STS: variants seen among roughly 807,000 people sequenced by gnomAD.
STS encodes the protein steryl-sulfatase.
A neutral mutation model predicts 26.8 loss-of-function variants in STS; 7 were observed. The ratio of observed to expected loss-of-function variants is 0.26; its 90% confidence interval spans 0.15 to 0.49. STS has a LOEUF of 0.49. Among genes scored for constraint, STS ranks in the 20% least tolerant of loss-of-function variants. The pLI is 0.98. For synonymous variants in STS, 199 were observed against 189.4 expected, an observed-to-expected ratio of 1.05 and a Z score of -0.42; for missense variants, 434 against 465.6, an observed-to-expected ratio of 0.93 and a Z score of 0.63.
intron 7 of STS, among the ~76,000 whole-genome samples, chrX:7,279,325 GTGTGTGTGTGTGTA>G (rs1569210757): frequency 9.4e-5 from 4 of 42,508 alleles, no homozygotes; most frequent in East Asian, 8.6e-4. Context: ...GTGTGTGTGT[GTGTGTGTGTGTGTA>G]TGTGTGTGTG....
intron 2 of STS, among the ~76,000 whole-genome samples, chrX:7,251,965 T>A (rs1923161038): frequency 9.1e-6 from 1 of 110,420 alleles, no homozygotes; most frequent in Non-Finnish European, 1.9e-5. Context: ...CTGTCTCAAA[T>A]TTTTTTAAAT....
At chrX:7,312,025 TCAAA>T (rs1178006300) in intron 8 of STS, among the ~76,000 whole-genome samples, 2 of 110,622 alleles carry the variant, frequency 1.8e-5, no homozygotes, top group African/African-American at 3.3e-5. Flanking sequence ...AGACCCTGTC[TCAAA>T]CAAACAAACA....
At chrX:7,318,133 T>C (rs971968379) in intron 8 of STS, among the ~76,000 whole-genome samples, 6 of 111,795 alleles carry the variant, frequency 5.4e-5, no homozygotes, top group African/African-American at 1.6e-4. Flanking sequence ...CGAGTTTGAA[T>C]GGTTTGGGGA....
Position 7,305,334 on chromosome X carries a change from A to G in STS, c.1081+151A>G, listed in dbSNP as rs189397813. 3.1e-5 allele frequency: 22 copies of G among 703,014 alleles called. No homozygotes were observed. In the African/African-American group the frequency reaches 3.2e-4, roughly 10 times the overall value. 57.9% of individuals were successfully genotyped at this position (703,014 alleles called of 1,213,427 possible). A position where few individuals can be genotyped will look rare whatever the true frequency, so the allele number is the denominator to read the frequency against. On this transcript the variant is annotated intron_variant, in intron 8 of 10. Coordinates refer to ENST00000674429, the MANE Select transcript of STS (RefSeq NM_001320752.2). ...TGGAGACAGTCAGAAGGCCAAAGTGACCATTTCTGTTCTGGTTCCCACAGA... is the reference window on the plus strand; with the variant it reads ...TGGAGACAGTCAGAAGGCCAAAGTGGCCATTTCTGTTCTGGTTCCCACAGA...
At chrX:7,256,110 T>A (rs1460361741) in intron 3 of STS, among the ~76,000 whole-genome samples, 2 of 112,030 alleles carry the variant, frequency 1.8e-5, no homozygotes, top group East Asian at 2.8e-4. Flanking sequence ...ATTCCATCTG[T>A]ACCTGGAACT....
intron 2 of STS, among the ~76,000 whole-genome samples, chrX:7,233,648 T>A (rs185130798): frequency 9.0e-6 from 1 of 111,664 alleles, no homozygotes; most frequent in Non-Finnish European, 1.9e-5. Context: ...CAATTTATGA[T>A]CCCTGAAAAA....
intron 2 of STS, chrX:7,219,589 A>G (rs979860387): frequency 9.9e-6 from 12 of 1,208,687 alleles, no homozygotes; most frequent in Middle Eastern, 3.0e-4. Context: ...CCACTGGTGC[A>G]GAAACCATGA....
At position 7,279,292 on chromosome X, in the gene STS, A is replaced by AATAT. The variant is rs1187465371; in HGVS notation, c.943+3222_943+3225dup. 4.9e-4 allele frequency among the ~76,000 whole-genome samples: 31 copies of AATAT among 62,764 alleles called. No individual in the cohort carries two copies. In the East Asian group the frequency reaches 8.0e-3, roughly 16 times the overall value. 54.5% of individuals were successfully genotyped at this position (62,764 alleles called of 115,157 possible). A position where few individuals can be genotyped will look rare whatever the true frequency, so the allele number is the denominator to read the frequency against. ...GTACTCCAGGAAGAAAAAAAAAAAA[A>AATAT]ATATATATATATATATATATGTGTG... On this transcript the variant is annotated intron_variant, in intron 7 of 10. Coordinates refer to ENST00000674429, the MANE Select transcript of STS (RefSeq NM_001320752.2).
At chrX:7,154,920 C>T (rs1933103006) in intron 1 of STS, among the ~76,000 whole-genome samples, 1 of 112,418 alleles carries the variant, frequency 8.9e-6, no homozygotes, top group African/African-American at 3.2e-5. Flanking sequence ...TCAGCGATAA[C>T]GTGGTCCAAC....
intron 1 of STS, among the ~76,000 whole-genome samples, chrX:7,157,344 T>A (rs1366014253): frequency 1.8e-5 from 2 of 111,268 alleles, no homozygotes; most frequent in African/African-American, 6.5e-5. Context: ...CTCCAGGATT[T>A]CCCACCAACA....
chrX:7,324,971 G>A (rs933286789), intron 8 of STS, among the ~76,000 whole-genome samples: 4 of 110,987 alleles, frequency 3.6e-5, no homozygotes, highest in East Asian at 2.8e-4. Flanking sequence ...GGACACTTGG[G>A]GGCACCATTA....
At chrX:7,336,376 ACTTAT>A (rs1437343983) in intron 10 of STS, among the ~76,000 whole-genome samples, 3 of 110,874 alleles carry the variant, frequency 2.7e-5, no homozygotes, top group Non-Finnish European at 1.9e-5. Flanking sequence ...TTTACCCAAG[ACTTAT>A]CATTTAAAGA....
At chrX:7,319,542 G>C (rs1373371620) in intron 8 of STS, among the ~76,000 whole-genome samples, 3 of 109,849 alleles carry the variant, frequency 2.7e-5, no homozygotes, top group African/African-American at 1.0e-4. Flanking sequence ...GGCTTCCCCT[G>C]GTGAGCCCCT....
At chrX:7,254,001 G>C (rs750946365) in intron 3 of STS, among the ~76,000 whole-genome samples, 40 of 112,190 alleles carry the variant, frequency 3.6e-4, no homozygotes, top group African/African-American at 9.1e-4. Context: ...ATGGTGGAAG[G>C]GGGGAGGGAG....
At chrX:7,241,496 T>A (rs1922615737) in intron 2 of STS, among the ~76,000 whole-genome samples, 1 of 112,204 alleles carries the variant, frequency 8.9e-6, no homozygotes, top group Non-Finnish European at 1.9e-5. Context: ...TTTTACATGG[T>A]TGCTGAGCAG....
At chrX:7,255,108 A>G (rs1041231689) in intron 3 of STS, among the ~76,000 whole-genome samples, 8 of 112,546 alleles carry the variant, frequency 7.1e-5, no homozygotes, top group Non-Finnish European at 1.3e-4. Flanking sequence ...ACATAGCCAA[A>G]TATGTCTCAC....
intron 6 of STS, among the ~76,000 whole-genome samples, chrX:7,268,837 C>T (rs1924133325): frequency 1.8e-5 from 2 of 110,099 alleles, no homozygotes; most frequent in South Asian, 7.9e-4. Context: ...TACAGCAAGA[C>T]CCTGTGTCTA....
intron 8 of STS, among the ~76,000 whole-genome samples, chrX:7,305,811 AGGACAC>A (rs1926187203): frequency 9.0e-6 from 1 of 111,566 alleles, no homozygotes; most frequent in Non-Finnish European, 1.9e-5. Flanking sequence ...CCCTCTTATG[AGGACAC>A]TTGAGATTAC....
chrX:7,263,064 G>A (rs1356399632), intron 6 of STS, among the ~76,000 whole-genome samples: 2 of 112,024 alleles, frequency 1.8e-5, no homozygotes, highest in African/African-American at 3.2e-5. Flanking sequence ...GCAGCTGTAC[G>A]TTTGTATCTT....
Sources: allele counts gnomAD v4.1 joint callset (sites outside exome capture counted in the v4.1 genomes callset), GRCh38; gene constraint gnomAD v4.1.1; transcripts MANE v1.5; gene names NCBI Gene and HGNC (gene_info 2026-07-23, HGNC 2026-07-21).